The following NUDC variants were observed in gnomAD, a reference collection of about 807,000 sequenced individuals.
NUDC encodes the protein nuclear distribution C, dynein complex regulator, also known as nuclear migration protein nudC.
NUDC carries 14 observed loss-of-function variants against 45.0 expected under a neutral mutation model. That is an observed-to-expected ratio of 0.31 (90% CI 0.21 to 0.49). NUDC has a LOEUF of 0.49. Ranked by LOEUF, NUDC falls within the 20% of genes least tolerant of loss-of-function variation. The pLI is 0.99. For synonymous variants in NUDC, 153 were observed against 156.7 expected, an observed-to-expected ratio of 0.98 and a Z score of 0.17; for missense variants, 323 against 426.2, an observed-to-expected ratio of 0.76 and a Z score of 2.13.
chr1:26,910,006 A>G (rs973394906), intron 2 of NUDC, among the ~76,000 whole-genome samples: 3 of 152,164 alleles, frequency 2.0e-5, no homozygotes, highest in African/African-American at 4.8e-5. Context: ...GCCTGGGCTC[A>G]CAGACTCCAA....
chr1:26,921,532 G>T (rs1350942211), upstream of NUDC, among the ~76,000 whole-genome samples: 2 of 152,220 alleles, frequency 1.3e-5, no homozygotes, highest in African/African-American at 4.8e-5. Flanking sequence ...GGCATCGGGT[G>T]ACCATAGCAA....
intron 2 of NUDC, among the ~76,000 whole-genome samples, chr1:26,924,917 G>T (rs1262748455): frequency 6.6e-6 from 1 of 151,400 alleles, no homozygotes; most frequent in African/African-American, 2.4e-5. Context: ...GTCTCATTCT[G>T]TTGCGCAGGC....
chr1:26,901,068 T>A (rs1409524389), intron 1 of NUDC, among the ~76,000 whole-genome samples: 3 of 152,152 alleles, frequency 2.0e-5, no homozygotes, highest in Non-Finnish European at 4.4e-5. Flanking sequence ...TCTCATACAC[T>A]GTTGGTGGAA....
intron 2 of NUDC, among the ~76,000 whole-genome samples, chr1:26,932,269 C>G (rs929609842): frequency 6.6e-6 from 1 of 150,682 alleles, no homozygotes; most frequent in Non-Finnish European, 1.5e-5. Context: ...CTCTGCCTTC[C>G]GGGTTCAAGC....
At chr1:26,901,234 T>G (rs1006364276) in intron 1 of NUDC, among the ~76,000 whole-genome samples, 2 of 151,864 alleles carry the variant, frequency 1.3e-5, no homozygotes. Flanking sequence ...GGACCACAGA[T>G]GCAACCCACT....
intron 2 of NUDC, among the ~76,000 whole-genome samples, chr1:26,909,189 C>T (rs991438241): frequency 4.0e-5 from 6 of 151,834 alleles, no homozygotes; most frequent in Non-Finnish European, 8.8e-5. Context: ...TGGCCAGGCT[C>T]GTCTTGAACT....
Position 26,942,928 on chromosome 1 carries a change from A to C in NUDC, c.604A>C (p.Ile202Leu). 1 of 1,614,014 alleles carries C rather than the reference A, an allele frequency of 6.2e-7. No homozygotes were observed. The highest frequency in any genetic ancestry group is 8.5e-7 in the Non-Finnish European group (1 of 1,180,024). Reference protein sequence around the residue: ...RLKGKDMVVDIQRRHLRVGLK... With the variant: ...RLKGKDMVVDLQRRHLRVGLK... ...GAAAGGGAAGGACATGGTGGTGGAC[A>C]TCCAGCGGCGGCACCTCCGGGTGGG... The change falls in exon 6 of 9, where the codon ATC becomes CTC. Residue 202 changes from isoleucine to leucine, a missense_variant. Transcript: ENST00000321265.
intron 8 of NUDC, 142 bp from the exon 9 acceptor site, chr1:26,945,986 CAG>C (rs2082314914): frequency 4.9e-6 from 4 of 816,768 alleles, no homozygotes; most frequent in Non-Finnish European, 8.5e-6. Flanking sequence ...AAATGCGTCT[CAG>C]ATACCCTGGG....
intron 2 of NUDC, among the ~76,000 whole-genome samples, chr1:26,909,622 G>A (rs188487829): frequency 3.7e-4 from 56 of 152,248 alleles, no homozygotes; most frequent in Non-Finnish European, 6.9e-4. Flanking sequence ...GAAACTGGTA[G>A]GGCATAAAAG....
chr1:26,924,201 C>G, intron 2 of NUDC, 35 bp downstream of exon 2: 1 of 1,587,032 alleles, frequency 6.3e-7, no homozygotes. Context: ...TTGGGCGGCT[C>G]TGTCTCTTCA....
At chr1:26,913,181 G>A (rs2082038318) in intron 3 of NUDC, among the ~76,000 whole-genome samples, 1 of 152,142 alleles carries the variant, frequency 6.6e-6, no homozygotes, top group South Asian at 2.1e-4. Flanking sequence ...AGCTACTCGG[G>A]AGGCTGAGGC....
chr1:26,937,333 G>A (rs992399327), intron 2 of NUDC, among the ~76,000 whole-genome samples: 1 of 152,124 alleles, frequency 6.6e-6, no homozygotes, highest in Admixed American at 6.6e-5. Flanking sequence ...CGCAATCTCG[G>A]CTCACTGTAA....
At chr1:26,921,230 A>T (rs1299602012), upstream of NUDC, among the ~76,000 whole-genome samples, 1 of 152,220 alleles carries the variant, frequency 6.6e-6, no homozygotes, top group African/African-American at 2.4e-5. Flanking sequence ...TTTCAAGACT[A>T]TAACAGAAGG....
chr1:26,919,411 CTA>C (rs754268534), upstream of NUDC, among the ~76,000 whole-genome samples: 10 of 152,146 alleles, frequency 6.6e-5, no homozygotes, highest in Admixed American at 2.0e-4. Flanking sequence ...TGCTGTGTTG[CTA>C]TGTTTTGCAA....
At chr1:26,900,696 A>C (rs2081974626) in intron 1 of NUDC, among the ~76,000 whole-genome samples, 1 of 152,010 alleles carries the variant, frequency 6.6e-6, no homozygotes, top group Non-Finnish European at 1.5e-5. Context: ...CCAAATAAGA[A>C]GCCTGCGGGA....
intron 6 of NUDC, among the ~76,000 whole-genome samples, chr1:26,944,576 G>A (rs1029081248): frequency 6.6e-6 from 1 of 152,138 alleles, no homozygotes; most frequent in African/African-American, 2.4e-5. Flanking sequence ...GGCTGAGGTG[G>A]GCAGATCACG....
chr1:26,928,612 G>A (rs1262091779), intron 2 of NUDC, among the ~76,000 whole-genome samples: 2 of 152,192 alleles, frequency 1.3e-5, no homozygotes, highest in Admixed American at 6.5e-5. Context: ...TAGGAGGATT[G>A]CTTGAGCCTG....
intron 3 of NUDC, chr1:26,911,944 C>G: frequency 6.2e-7 from 1 of 1,614,202 alleles, no homozygotes; most frequent in African/African-American, 1.3e-5. Context: ...TCGGAATGGA[C>G]TTGAGGGTGG....
chr1:26,902,911 T>C (rs2081986673), intron 2 of NUDC, among the ~76,000 whole-genome samples: 1 of 151,914 alleles, frequency 6.6e-6, no homozygotes, highest in African/African-American at 2.4e-5. Context: ...TAGCCACTCA[T>C]GGTGGTATGC....
Sources: allele counts gnomAD v4.1 joint callset (sites outside exome capture counted in the v4.1 genomes callset), GRCh38; gene constraint gnomAD v4.1.1; transcripts MANE v1.5; gene names NCBI Gene and HGNC (gene_info 2026-07-23, HGNC 2026-07-21).